Variants in VPS50 observed in about 807,000 individuals in gnomAD.
VPS50 encodes syndetin.
Under a neutral mutation model 139.7 loss-of-function variants are expected in VPS50, and 70 were observed. The observed-to-expected ratio is 0.50, with a 90% CI of 0.41 to 0.61. The LOEUF (loss-of-function observed/expected upper bound fraction) is 0.61, where lower values mean the gene tolerates loss of function less well. Among genes scored for constraint, VPS50 ranks in the 20% least tolerant of loss-of-function variants. The probability of loss-of-function intolerance (pLI) is 0.00; values close to 1 mark genes in which losing one functional copy is unlikely to be tolerated. For synonymous variants in VPS50, 365 were observed against 376.7 expected, an observed-to-expected ratio of 0.97 and a Z score of 0.36; for missense variants, 921 against 1,133.7, an observed-to-expected ratio of 0.81 and a Z score of 2.69.
chr7:93,305,986 T>C lies in VPS50; in HGVS notation c.1611T>C (p.Asp537=). 1.2e-6 allele frequency: 2 copies of C among 1,612,046 alleles called. No homozygotes were observed. Among genetic ancestry groups the C allele is most frequent in the Non-Finnish European group, 8.5e-7 (1 of 1,178,412 alleles). ...ACCACAAAGATGAAGAAACAGAAGA[T>C]GTCTTAGCTTCTAATGGGGTATGTG... is the stretch of plus-strand genomic sequence containing the variant. ...QANHKDEETE[D]VLASNGYESD... The change falls in exon 18 of 28, where the codon GAT becomes GAC. Residue 537 remains aspartate, a synonymous_variant. Coordinates refer to ENST00000305866, the MANE Select transcript of VPS50 (RefSeq NM_017667.4).
intron 27 of VPS50, 21 bp downstream of exon 27, chr7:93,356,101 A>T (rs1203317365): frequency 7.9e-7 from 1 of 1,267,672 alleles, no homozygotes; most frequent in Non-Finnish European, 1.1e-6. Flanking sequence ...GAAAATAGTT[A>T]ATTAAGTTTT....
At chr7:93,278,527 G>A (rs1348533355) in intron 12 of VPS50, among the ~76,000 whole-genome samples, 1 of 149,674 alleles carries the variant, frequency 6.7e-6, no homozygotes, top group Admixed American at 6.7e-5. Flanking sequence ...AACCAGGGAG[G>A]TGGAGGTTGC....
At chr7:93,254,859 C>T (rs1023706049) in intron 4 of VPS50, among the ~76,000 whole-genome samples, 2 of 151,888 alleles carry the variant, frequency 1.3e-5, no homozygotes, top group African/African-American at 2.4e-5. Context: ...ATAAGTTTAT[C>T]GGTTTGAATT....
rs185722179 is a variant in VPS50 at position 93,275,312 on chromosome 7, A to T, written c.802-853A>T. On this transcript the variant is annotated intron_variant, in intron 11 of 27. Coordinates refer to ENST00000305866, the MANE Select transcript of VPS50 (RefSeq NM_017667.4). Reference sequence around the variant, plus strand: ...GTTCTACTGTGGATAAAATGCTATCAAACAGCATCGCATGCTACAGAGAAA... The same window carrying T: ...GTTCTACTGTGGATAAAATGCTATCTAACAGCATCGCATGCTACAGAGAAA... 3.4e-4 allele frequency among the ~76,000 whole-genome samples: 52 copies of T among 152,314 alleles called. No individual in the cohort carries two copies. The East Asian group carries it at 6.8e-3, about 20-fold the overall frequency.
intron 19 of VPS50, 70 bp from the exon 20 acceptor site, chr7:93,311,096 C>A (rs755211282): frequency 9.0e-6 from 7 of 776,616 alleles, no homozygotes; most frequent in Middle Eastern, 2.3e-4. Context: ...AGGCTAGGGA[C>A]CTATCTGACT....
intron 2 of VPS50, among the ~76,000 whole-genome samples, chr7:93,248,420 G>T (rs992754041): frequency 4.6e-5 from 7 of 152,074 alleles, no homozygotes; most frequent in African/African-American, 1.7e-4. Context: ...AAATTATGTA[G>T]TAATTGTGTT....
At chr7:93,260,809 C>T (rs974171162) in intron 9 of VPS50, among the ~76,000 whole-genome samples, 11 of 152,108 alleles carry the variant, frequency 7.2e-5, no homozygotes, top group Non-Finnish European at 1.6e-4. Context: ...GATTCTCCTG[C>T]CTCATTCTCC....
chr7:93,340,023 T>A (rs2117057667), intron 22 of VPS50, among the ~76,000 whole-genome samples: 1 of 152,298 alleles, frequency 6.6e-6, no homozygotes, highest in Non-Finnish European at 1.5e-5. Flanking sequence ...TTCAAGCTCA[T>A]TGTTATTAGA....
chr7:93,246,610 A>G (rs1461741781), intron 2 of VPS50, among the ~76,000 whole-genome samples: 1 of 151,916 alleles, frequency 6.6e-6, no homozygotes, highest in Non-Finnish European at 1.5e-5. Context: ...TATTGAGTTT[A>G]ATAATGGTAA....
At chr7:93,290,544 C>T (rs1047409201) in intron 12 of VPS50, among the ~76,000 whole-genome samples, 4 of 151,472 alleles carry the variant, frequency 2.6e-5, no homozygotes, top group African/African-American at 9.7e-5. Context: ...TCTTAAAGCC[C>T]ACTTTGAGAA....
At chr7:93,253,222 A>C (rs1016998692) in intron 3 of VPS50, among the ~76,000 whole-genome samples, 4 of 152,260 alleles carry the variant, frequency 2.6e-5, no homozygotes, top group Admixed American at 2.6e-4. Flanking sequence ...TCTTAGATAC[A>C]ACCAAATGCT....
intron 21 of VPS50, among the ~76,000 whole-genome samples, chr7:93,331,643 A>C (rs772532092): frequency 3.3e-5 from 5 of 152,152 alleles, no homozygotes; most frequent in Non-Finnish European, 5.9e-5. Flanking sequence ...TTCTAGAAAA[A>C]ACTAGGAGAA....
In VPS50 at chr7:93,359,668, G is replaced by A. The variant is rs1388479132; in HGVS notation, c.*1232G>A. The A allele has an allele frequency of 6.6e-6, 1 of 152,118 alleles. No homozygotes were observed. Among genetic ancestry groups the A allele is most frequent in the Non-Finnish European group, 1.5e-5 (1 of 68,024 alleles). The allele number at this position is 152,118 out of a possible 1,614,324, so 9.4% of individuals were successfully genotyped here. On this transcript the variant is annotated 3_prime_UTR_variant, in exon 28 of 28. Coordinates refer to ENST00000305866, the MANE Select transcript of VPS50 (RefSeq NM_017667.4). ...ACATCAACAGCTCACAGAATCCTAAGGAATCATGTGAGAAACAGGCCTTGG... is the reference window on the plus strand; with the variant it reads ...ACATCAACAGCTCACAGAATCCTAAAGAATCATGTGAGAAACAGGCCTTGG...
At chr7:93,261,677 C>CAAAAA (rs71107890) in intron 9 of VPS50, among the ~76,000 whole-genome samples, 8 of 62,150 alleles carry the variant, frequency 1.3e-4, no homozygotes, top group Admixed American at 1.9e-4. Context: ...GACTCCGTCT[C>CAAAAA]AAAAAAAAAA....
At chr7:93,245,674 C>CA (rs2116796687) in intron 2 of VPS50, among the ~76,000 whole-genome samples, 1 of 151,828 alleles carries the variant, frequency 6.6e-6, no homozygotes, top group Admixed American at 6.6e-5. Context: ...TCATTTTGCC[C>CA]AAAACCTCTT....
Position 93,356,098 on chromosome 7 carries a change from GTTAA to G in VPS50, c.2775+23_2775+26del. The G allele has an allele frequency of 1.6e-6, 2 of 1,272,926 alleles. No homozygotes were observed. The highest frequency in any genetic ancestry group is 2.1e-6 in the Non-Finnish European group (2 of 943,232). 78.9% of individuals were successfully genotyped at this position (1,272,926 alleles called of 1,614,324 possible). A position where few individuals can be genotyped will look rare whatever the true frequency, so the allele number is the denominator to read the frequency against. On this transcript the variant is annotated intron_variant, in intron 27 of 27. Transcript: ENST00000305866. ...AGCACAGGGTGAGAGCTGGAAAATAGTTAATTAAGTTTTTATTCCTTTTTCTTTG... is the reference window on the plus strand; with the variant it reads ...AGCACAGGGTGAGAGCTGGAAAATAGTTAAGTTTTTATTCCTTTTTCTTTG...
intron 12 of VPS50, among the ~76,000 whole-genome samples, chr7:93,287,475 T>G (rs935776672): frequency 1.3e-5 from 2 of 150,784 alleles, no homozygotes; most frequent in Non-Finnish European, 3.0e-5. Flanking sequence ...AGTGGTTGGG[T>G]GGAAAATAGA....
intron 20 of VPS50, among the ~76,000 whole-genome samples, chr7:93,312,584 G>A (rs1006993474): frequency 7.2e-5 from 11 of 152,106 alleles, no homozygotes; most frequent in African/African-American, 1.2e-4. Context: ...TGGTCTAAGA[G>A]TTATGCCCTT....
rs200136574 is a variant in VPS50 at position 93,355,896 on chromosome 7, C to T, written c.2591C>T (p.Ala864Val). ...LANRTIVEGY[A>V]NVKKCSNEGR... ...TTTATTGTTTTGCATCTTAGATATG[C>T]CAATGTCAAGAAATGCAGTAATGAG... Residue 864 changes from alanine to valine, a missense_variant, in exon 27 of 28, where the codon GCC becomes GTC. This residue lies in a region of VPS50 where 158 missense variants were observed against 156.3 expected (regional missense o/e 1.01). Transcript: ENST00000305866. 7.7e-6 allele frequency: 12 copies of T among 1,554,738 alleles called. No individual in the cohort carries two copies. Among genetic ancestry groups the T allele is most frequent in the Middle Eastern group, 1.7e-4 (1 of 5,792 alleles).
Sources: gnomAD v4.1 joint callset for allele counts (sites outside exome capture counted in the v4.1 genomes callset) on GRCh38, gnomAD v4.1.1 for gene constraint, gnomAD v4.1.1 regional missense constraint, MANE v1.5 for transcripts, NCBI Gene and HGNC (gene_info 2026-07-23, HGNC 2026-07-21) for gene names.